RBFOX1: variants seen among roughly 807,000 people sequenced by gnomAD.
RBFOX1 encodes the protein RNA binding fox-1 homolog 1.
RBFOX1 carries 8 observed loss-of-function variants against 57.7 expected under a neutral mutation model. The observed-to-expected ratio is 0.14, with a 90% CI of 0.08 to 0.25. The LOEUF (loss-of-function observed/expected upper bound fraction) is 0.25, where lower values mean the gene tolerates loss of function less well. Ranked by LOEUF, RBFOX1 falls within the 10% of genes least tolerant of loss-of-function variation. The pLI is 1.00. For synonymous variants in RBFOX1, 326 were observed against 222.4 expected, an observed-to-expected ratio of 1.47 and a Z score of -4.15; for missense variants, 611 against 548.5, an observed-to-expected ratio of 1.11 and a Z score of -1.14.
intron 4 of RBFOX1, among the ~76,000 whole-genome samples, chr16:7,265,161 G>A (rs1286322958): frequency 6.6e-6 from 1 of 152,178 alleles, no homozygotes; most frequent in Non-Finnish European, 1.5e-5. Flanking sequence ...GGTTATCTTA[G>A]TCTATCCAGT....
At chr16:5,358,860 T>C (rs2065464632) in intron 1 of RBFOX1, among the ~76,000 whole-genome samples, 1 of 152,210 alleles carries the variant, frequency 6.6e-6, no homozygotes. Flanking sequence ...TTCAGTCATA[T>C]TGACTATAGT....
At chr16:7,698,117 C>T (rs532940911) in intron 14 of RBFOX1, among the ~76,000 whole-genome samples, 21 of 151,830 alleles carry the variant, frequency 1.4e-4, no homozygotes, top group Non-Finnish European at 2.6e-4. Flanking sequence ...AAACAATTAA[C>T]AATATGCTAG....
chr16:7,255,499 T>C (rs1169680618), intron 4 of RBFOX1, among the ~76,000 whole-genome samples: 1 of 152,232 alleles, frequency 6.6e-6, no homozygotes, highest in Admixed American at 6.5e-5. Context: ...TGTATTGCCA[T>C]GGCAAGATGT....
rs78674518 is a variant in RBFOX1, at chr16:7,622,156, G to T, written c.677-8447G>T. On this transcript the variant is annotated intron_variant, in intron 10 of 15. Transcript: ENST00000550418. ...TCAGCACTTGATTTAGAAGATGATT[G>T]TTAGAACCATGGGTCCAGGAATCTG... Among the ~76,000 whole-genome samples the T allele has an allele frequency of 6.2e-4, 94 of 152,236 alleles. No homozygotes were observed. The East Asian group carries it at 0.018, about 29-fold the overall frequency.
intron 4 of RBFOX1, among the ~76,000 whole-genome samples, chr16:7,501,747 G>A (rs58672419): frequency 6.6e-6 from 1 of 152,144 alleles, no homozygotes; most frequent in African/African-American, 2.4e-5. Context: ...AGAACATCAG[G>A]TTAGACATCA....
intron 2 of RBFOX1, among the ~76,000 whole-genome samples, chr16:6,326,491 T>A (rs2082386225): frequency 6.6e-6 from 1 of 152,134 alleles, no homozygotes; most frequent in East Asian, 1.9e-4. Flanking sequence ...TTCTTCTCTT[T>A]CTTTGTCCCA....
chr16:6,913,592 C>T (rs59016127), intron 3 of RBFOX1, among the ~76,000 whole-genome samples: 1 of 151,980 alleles, frequency 6.6e-6, no homozygotes, highest in Non-Finnish European at 1.5e-5. Flanking sequence ...TCGGTAGCAT[C>T]CCCAAGCTTT....
At chr16:5,780,936 A>C (rs1413140212) in intron 3 of RBFOX1, among the ~76,000 whole-genome samples, 1 of 152,194 alleles carries the variant, frequency 6.6e-6, no homozygotes, top group African/African-American at 2.4e-5. Flanking sequence ...GTAAACTCCA[A>C]AGTGACAATT....
Position 5,415,914 on chromosome 16 carries a change from C to G in RBFOX1, c.220-51302C>G, listed in dbSNP as rs188039535. 2.0e-5 allele frequency among the ~76,000 whole-genome samples: 3 copies of G among 152,292 alleles called. No homozygotes were observed. In the East Asian group the frequency reaches 5.8e-4, roughly 29 times the overall value. The stretch of plus-strand genomic sequence containing the variant: ...GAAGCATAGATGAGTCTTAGGGGCA[C>G]TCAGAAATGCCAAATGTCCCTCTGC... On this transcript the variant is annotated intron_variant, in intron 1 of 2. Coordinates refer to the RBFOX1 transcript ENST00000585867.
chr16:6,956,629 C>A (rs934224479), intron 3 of RBFOX1, among the ~76,000 whole-genome samples: 1 of 152,196 alleles, frequency 6.6e-6, no homozygotes, highest in Non-Finnish European at 1.5e-5. Context: ...CCCGTCTTCC[C>A]TTCTTGTGCC....
intron 4 of RBFOX1, among the ~76,000 whole-genome samples, chr16:7,198,034 C>G (rs2087236061): frequency 4.2e-5 from 2 of 47,526 alleles, no homozygotes; most frequent in Non-Finnish European, 8.7e-5. Flanking sequence ...GAGACGGAGT[C>G]TTGCTCTGTC....
At chr16:7,236,030 G>T (rs886318121) in intron 4 of RBFOX1, among the ~76,000 whole-genome samples, 2 of 152,124 alleles carry the variant, frequency 1.3e-5, no homozygotes, top group African/African-American at 2.4e-5. Context: ...TGGTCATTTT[G>T]TATAAATAGT....
At chr16:6,256,209 G>GTGTATATATATGTATATATATA (rs2097663576) in intron 1 of RBFOX1, among the ~76,000 whole-genome samples, 2 of 46,208 alleles carry the variant, frequency 4.3e-5, no homozygotes, top group African/African-American at 1.7e-4. Context: ...ATATGTATAT[G>GTGTATATATATGTATATATATA]TGTATATATA....
intron 3 of RBFOX1, among the ~76,000 whole-genome samples, chr16:6,864,968 C>T (rs1307573019): frequency 6.7e-6 from 1 of 148,966 alleles, no homozygotes; most frequent in Non-Finnish European, 1.5e-5. Flanking sequence ...AATCCCAGTG[C>T]CAATGTTGGA....
At position 6,840,195 on chromosome 16, in the gene RBFOX1, C is replaced by G. The variant is rs963063747; in HGVS notation, c.-16+185545C>G. On this transcript the variant is annotated intron_variant, in intron 3 of 15. Coordinates refer to ENST00000550418, the MANE Select transcript of RBFOX1 (RefSeq NM_018723.4). The stretch of plus-strand genomic sequence containing the variant: ...AGGTGCCTAAAAGCACCATAAATCA[C>G]TGGAAATTCTAGACTAAAAAGAGGT... Among the ~76,000 whole-genome samples the G allele has an allele frequency of 8.5e-5, 13 of 152,182 alleles. No homozygotes were observed. The East Asian group carries it at 2.3e-3, about 27-fold the overall frequency.
At chr16:6,563,440 T>A (rs2097211316) in intron 2 of RBFOX1, among the ~76,000 whole-genome samples, 1 of 152,128 alleles carries the variant, frequency 6.6e-6, no homozygotes, top group African/African-American at 2.4e-5. Context: ...TGTGTATAAG[T>A]TATTGAGATG....
intron 1 of RBFOX1, among the ~76,000 whole-genome samples, chr16:5,449,695 A>G (rs566262150): frequency 6.6e-6 from 1 of 152,274 alleles, no homozygotes; most frequent in African/African-American, 2.4e-5. Flanking sequence ...TGCAACCGCA[A>G]ACTCCTGGGC....
At chr16:7,510,634 A>G (rs2074827565) in intron 4 of RBFOX1, among the ~76,000 whole-genome samples, 1 of 152,214 alleles carries the variant, frequency 6.6e-6, no homozygotes, top group African/African-American at 2.4e-5. Context: ...CCCCTAGGGC[A>G]TGATGCAGTT....
chr16:6,514,370 A>G (rs1039075496), intron 2 of RBFOX1, among the ~76,000 whole-genome samples: 2 of 152,180 alleles, frequency 1.3e-5, no homozygotes, highest in Non-Finnish European at 2.9e-5. Context: ...TTCAGAGGGT[A>G]GAAGGAGATT....
Sources: gnomAD v4.1 joint callset for allele counts (sites outside exome capture counted in the v4.1 genomes callset) on GRCh38, gnomAD v4.1.1 for gene constraint, MANE v1.5 for transcripts, NCBI Gene and HGNC (gene_info 2026-07-23, HGNC 2026-07-21) for gene names.